TSPAN12: variants seen among roughly 807,000 people sequenced by gnomAD.
TSPAN12 encodes the protein tetraspanin 12.
In TSPAN12, 19 loss-of-function variants were observed where a neutral mutation model predicts 39.2. The ratio of observed to expected loss-of-function variants is 0.49; its 90% CI spans 0.34 to 0.71. TSPAN12 has a LOEUF of 0.71. Ranked by LOEUF, TSPAN12 falls within the 30% of genes least tolerant of loss-of-function variation. TSPAN12 has a pLI of 0.01. For missense variants in TSPAN12, 314 were observed against 359.9 expected, an observed-to-expected ratio of 0.87 and a Z score of 1.03; for synonymous variants, 119 against 124.8, an observed-to-expected ratio of 0.95 and a Z score of 0.31.
intron 7 of TSPAN12, among the ~76,000 whole-genome samples, chr7:120,802,640 C>A (rs1341121871): frequency 1.3e-5 from 2 of 152,126 alleles, no homozygotes; most frequent in Admixed American, 6.6e-5. Flanking sequence ...AGTAGGCAAT[C>A]ACAAAATATT....
At chr7:120,854,772 T>C (rs1794838580) in intron 2 of TSPAN12, among the ~76,000 whole-genome samples, 1 of 152,164 alleles carries the variant, frequency 6.6e-6, no homozygotes. Context: ...AAATCTATCT[T>C]TGTATGAAAC....
chr7:120,795,965 C>A (rs1793620400), intron 7 of TSPAN12, among the ~76,000 whole-genome samples: 1 of 152,162 alleles, frequency 6.6e-6, no homozygotes, highest in Non-Finnish European at 1.5e-5. Context: ...TCTTGATATA[C>A]GAAAGGTCCT....
intron 7 of TSPAN12, among the ~76,000 whole-genome samples, chr7:120,792,604 C>T (rs909675891): frequency 2.2e-4 from 33 of 152,054 alleles, no homozygotes; most frequent in Admixed American, 2.0e-3. Flanking sequence ...TGGTAAAGGC[C>T]GGGAGACTCA....
At chr7:120,822,339 C>G (rs1188086235) in intron 4 of TSPAN12, among the ~76,000 whole-genome samples, 1 of 151,920 alleles carries the variant, frequency 6.6e-6, no homozygotes, top group Non-Finnish European at 1.5e-5. Flanking sequence ...GATACCACCA[C>G]CCCCTAGGAT....
At chr7:120,854,233 A>G (rs982067752) in intron 2 of TSPAN12, among the ~76,000 whole-genome samples, 1 of 152,212 alleles carries the variant, frequency 6.6e-6, no homozygotes. Flanking sequence ...TTTCTAGGGA[A>G]CAGATACCCA....
Position 120,857,817 on chromosome 7 carries a change from T to TA in TSPAN12, c.-71+2dup. The TA allele has an allele frequency of 6.6e-6, 1 of 151,900 alleles. No individual in the cohort carries two copies. The highest frequency in any genetic ancestry group is 2.0e-4 in the East Asian group (1 of 5,092). 9.4% of individuals were successfully genotyped at this position (151,900 alleles called of 1,614,324 possible). A position where few individuals can be genotyped will look rare whatever the true frequency, so the allele number is the denominator to read the frequency against. ...GAAAGGCGACAGACGCGTGGCCACT[T>TA]ACCGTCGGCGCTGGGCCCGGTGCCC... On this transcript the variant is annotated splice_region_variant and intron_variant, in intron 1 of 7. Coordinates refer to ENST00000222747, the MANE Select transcript of TSPAN12 (RefSeq NM_012338.4).
At position 120,832,590 on chromosome 7, in the gene TSPAN12, G is replaced by A. The variant is rs574744380; in HGVS notation, c.285+6187C>T. On this transcript the variant is annotated intron_variant, in intron 4 of 7. Coordinates refer to ENST00000222747, the MANE Select transcript of TSPAN12 (RefSeq NM_012338.4). ...TGAAACATTCTGGAAATCTCCATTT[G>A]CTCCTGATTCTGGGTTCCCACAGCA... Among the ~76,000 whole-genome samples the A allele has an allele frequency of 1.2e-3, 179 of 152,156 alleles. 1 individual carries two copies. Among genetic ancestry groups the A allele is most frequent in the African/African-American group, 4.1e-3 (171 of 41,538 alleles).
intron 4 of TSPAN12, among the ~76,000 whole-genome samples, chr7:120,834,735 T>C (rs1489481115): frequency 1.3e-5 from 2 of 152,210 alleles, no homozygotes; most frequent in Non-Finnish European, 2.9e-5. Context: ...GTTGGATGAA[T>C]GTATTCTGCT....
rs76843089 is a variant in TSPAN12, at chr7:120,798,194, G to A, written c.612+8355C>T. Reference sequence around the variant, plus strand: ...CATTTGTATACCTGAAACAAAACTGGCAAAATAGTTCAAGTCCTGATTCGA... The same window carrying A: ...CATTTGTATACCTGAAACAAAACTGACAAAATAGTTCAAGTCCTGATTCGA... On this transcript the variant is annotated intron_variant, in intron 7 of 7. Transcript: ENST00000222747. 3.7e-3 allele frequency among the ~76,000 whole-genome samples: 569 copies of A among 152,264 alleles called. 15 individuals carry two copies. Among genetic ancestry groups the A allele is most frequent in the Admixed American group, 0.027 (418 of 15,288 alleles).
intron 4 of TSPAN12, among the ~76,000 whole-genome samples, chr7:120,825,754 T>C (rs1794273845): frequency 6.6e-6 from 1 of 152,230 alleles, no homozygotes. Flanking sequence ...ATCCTTCTAT[T>C]AAGAATCCAT....
intron 7 of TSPAN12, among the ~76,000 whole-genome samples, chr7:120,804,784 C>G (rs1273723167): frequency 6.6e-6 from 1 of 152,100 alleles, no homozygotes; most frequent in Non-Finnish European, 1.5e-5. Flanking sequence ...CAGTGGGCCC[C>G]TTGTCCAATA....
chr7:120,802,637 A>C (rs1229105820), intron 7 of TSPAN12, among the ~76,000 whole-genome samples: 1 of 152,234 alleles, frequency 6.6e-6, no homozygotes, highest in African/African-American at 2.4e-5. Context: ...CCCAGTAGGC[A>C]ATCACAAAAT....
intron 6 of TSPAN12, among the ~76,000 whole-genome samples, chr7:120,807,992 A>G (rs1311313655): frequency 6.6e-6 from 1 of 152,160 alleles, no homozygotes; most frequent in Non-Finnish European, 1.5e-5. Context: ...TCCTTAAATA[A>G]TATATGTAGT....
Position 120,843,556 on chromosome 7 carries a change from C to T in TSPAN12, c.67-3447G>A, listed in dbSNP as rs376868700. ...ATCCTAAACCCACTTACCTGCCTCA[C>T]CTATACCTTCCCATAGGAACCATGG... is the stretch of plus-strand genomic sequence containing the variant. On this transcript the variant is annotated intron_variant, in intron 2 of 7. Coordinates refer to ENST00000222747, the MANE Select transcript of TSPAN12 (RefSeq NM_012338.4). 1.8e-4 allele frequency among the ~76,000 whole-genome samples: 28 copies of T among 152,342 alleles called. No individual in the cohort carries two copies. In the East Asian group the frequency reaches 4.1e-3, roughly 22 times the overall value.
chr7:120,790,558 C>T (rs1268384709), intron 7 of TSPAN12, among the ~76,000 whole-genome samples: 1 of 152,086 alleles, frequency 6.6e-6, no homozygotes, highest in Non-Finnish European at 1.5e-5. Context: ...TGGAAAAGTA[C>T]GAGGCACAAC....
chr7:120,830,096 T>C (rs1042845397), intron 4 of TSPAN12, among the ~76,000 whole-genome samples: 1 of 151,912 alleles, frequency 6.6e-6, no homozygotes, highest in Middle Eastern at 3.2e-3. Flanking sequence ...AACTGAGGAG[T>C]TAAAAGATCG....
chr7:120,810,471 G>C lies in TSPAN12; in HGVS notation c.460C>G (p.Gln154Glu). 6.2e-7 allele frequency: 1 copy of C among 1,609,538 alleles called. No homozygotes were observed. The highest frequency in any genetic ancestry group is 8.5e-7 in the Non-Finnish European group (1 of 1,176,020). The change falls in exon 6 of 8, where the codon CAG (glutamine) becomes GAG (glutamate). Residue 154 changes from glutamine to glutamate, a missense_variant. Transcript: ENST00000222747. Reference sequence around the variant, plus strand: ...GAAATTGTAGCACTTACCTCTCTCTGAAAAAAATTCCAAGCATGAGTAAGC... The same window carrying C: ...GAAATTGTAGCACTTACCTCTCTCTCAAAAAAATTCCAAGCATGAGTAAGC... ...RWLTHAWNFFQREFKCCGVVY... is the reference protein window; with the variant it reads ...RWLTHAWNFFEREFKCCGVVY...
At chr7:120,795,704 T>G (rs572118623) in intron 7 of TSPAN12, among the ~76,000 whole-genome samples, 3 of 152,314 alleles carry the variant, frequency 2.0e-5, no homozygotes, top group Admixed American at 6.5e-5. Context: ...TATACAGTCT[T>G]CAACCCTCTT....
intron 7 of TSPAN12, among the ~76,000 whole-genome samples, chr7:120,799,544 T>TATACATATATATATATATGTA (rs1793707217): frequency 1.9e-5 from 2 of 105,956 alleles, no homozygotes; most frequent in African/African-American, 8.2e-5. Context: ...TTATATATAA[T>TATACATATATATATATATGTA]TATATATATA....
Sources: allele counts gnomAD v4.1 joint callset (sites outside exome capture counted in the v4.1 genomes callset), GRCh38; gene constraint gnomAD v4.1.1; transcripts MANE v1.5; gene names NCBI Gene and HGNC (gene_info 2026-07-23, HGNC 2026-07-21).